The following TNRC6A variants were observed in gnomAD, a reference collection of about 807,000 sequenced individuals.
TNRC6A encodes the protein trinucleotide repeat containing adaptor 6A.
In TNRC6A, 44 loss-of-function variants were observed where a neutral mutation model predicts 221.2. The observed-to-expected ratio is 0.20, with a 90% CI of 0.16 to 0.26. The LOEUF is 0.26. Ranked by LOEUF, TNRC6A falls within the 10% of genes least tolerant of loss-of-function variation. The pLI is 1.00. For synonymous variants in TNRC6A, 847 were observed against 838.5 expected, an observed-to-expected ratio of 1.01 and a Z score of -0.18; for missense variants, 2,199 against 2,404.4, an observed-to-expected ratio of 0.91 and a Z score of 1.79.
intron 2 of TNRC6A, among the ~76,000 whole-genome samples, chr16:24,748,583 T>C (rs1441143387): frequency 6.6e-6 from 1 of 152,170 alleles, no homozygotes. Flanking sequence ...TTTAGCTGAT[T>C]TTAGTAGTCC....
At chr16:24,643,080 T>TAAAG (rs1491553600) in intron 2 of TNRC6A, among the ~76,000 whole-genome samples, 1 of 134,454 alleles carries the variant, frequency 7.4e-6, no homozygotes, top group East Asian at 2.1e-4. Context: ...ATATATATAT[T>TAAAG]ATATATATAT....
rs551061415 is a variant in TNRC6A at position 24,819,307 on chromosome 16, C to T, written c.5080+607C>T. ...CAGGAATTGTTCCACTCCTTGCTGT[C>T]CCCTCATGCTTTTAGCATGATAGTT... On this transcript the variant is annotated intron_variant, in intron 21 of 24. Transcript: ENST00000395799. Among the ~76,000 whole-genome samples, 3 of 152,254 alleles carry T rather than the reference C, an allele frequency of 2.0e-5. No individual in the cohort carries two copies. The East Asian group carries it at 5.8e-4, about 29-fold the overall frequency.
At chr16:24,728,374 G>T (rs2056528395), upstream of TNRC6A, among the ~76,000 whole-genome samples, 1 of 152,142 alleles carries the variant, frequency 6.6e-6, no homozygotes, top group Admixed American at 6.5e-5. Context: ...TTGAACTCGG[G>T]AGGCGGAGGT....
chr16:24,778,733 A>G (rs1263155161), intron 5 of TNRC6A, among the ~76,000 whole-genome samples: 1 of 152,118 alleles, frequency 6.6e-6, no homozygotes, highest in African/African-American at 2.4e-5. Context: ...TCTTCCTAAT[A>G]ACTCTTATAG....
chr16:24,725,613 T>C (rs1325236533), upstream of TNRC6A, among the ~76,000 whole-genome samples: 1 of 152,128 alleles, frequency 6.6e-6, no homozygotes, highest in East Asian at 1.9e-4. Flanking sequence ...ATAATCAATG[T>C]TGTGTTCCTT....
In TNRC6A at chr16:24,729,726, C is replaced by A. The variant is rs1202557587; in HGVS notation, c.-116C>A. The A allele has an allele frequency of 6.7e-5, 74 of 1,104,578 alleles. 1 individual carries two copies. Among genetic ancestry groups the A allele is most frequent in the Non-Finnish European group, 8.0e-5 (69 of 859,848 alleles). 68.4% of individuals were successfully genotyped at this position (1,104,578 alleles called of 1,614,324 possible). A position where few individuals can be genotyped will look rare whatever the true frequency, so the allele number is the denominator to read the frequency against. On this transcript the variant is annotated 5_prime_UTR_variant, in exon 1 of 25. Transcript: ENST00000395799. The stretch of plus-strand genomic sequence containing the variant: ...GGCGGCGGCGGCGGCGGCAGCGGGT[C>A]GGTGTAGAAAATGGCGCTGGTGCAG...
intron 2 of TNRC6A, among the ~76,000 whole-genome samples, chr16:24,706,429 T>G (rs1007338060): frequency 1.1e-4 from 17 of 152,106 alleles, no homozygotes; most frequent in Admixed American, 1.0e-3. Context: ...GTTTAGTACT[T>G]GGCCGGGCGC....
intron 2 of TNRC6A, among the ~76,000 whole-genome samples, chr16:24,730,593 C>T (rs2056610264): frequency 6.6e-6 from 1 of 151,852 alleles, no homozygotes; most frequent in African/African-American, 2.4e-5. Flanking sequence ...GCATTAATTA[C>T]TATTGTAAAT....
intron 2 of TNRC6A, among the ~76,000 whole-genome samples, chr16:24,713,221 C>T (rs1238095521): frequency 2.0e-5 from 3 of 152,066 alleles, no homozygotes; most frequent in East Asian, 1.9e-4. Context: ...AGTTCGAGAC[C>T]AGCCTGGGTA....
At chr16:24,678,279 C>T (rs1327309493) in intron 2 of TNRC6A, among the ~76,000 whole-genome samples, 1 of 150,588 alleles carries the variant, frequency 6.6e-6, no homozygotes, top group Non-Finnish European at 1.5e-5. Flanking sequence ...CCACTACACT[C>T]CAGCCTAGGC....
At position 24,824,519 on chromosome 16, in the gene TNRC6A, A is replaced by G. The variant is rs772615375; in HGVS notation, c.*712A>G. ...GCCCTGCACTTTGAATAGGCTTTCC[A>G]TTTTGTTTTGGAGGTTCTCACTTTG... is the stretch of plus-strand genomic sequence containing the variant. On this transcript the variant is annotated 3_prime_UTR_variant, in exon 25 of 25. Transcript: ENST00000395799. 2 of 152,258 alleles carry G rather than the reference A, an allele frequency of 1.3e-5. No homozygotes were observed. Among genetic ancestry groups the G allele is most frequent in the Admixed American group, 6.6e-5 (1 of 15,232 alleles). The allele number at this position is 152,258 out of a possible 1,614,324, so 9.4% of individuals were successfully genotyped here. A position where few individuals can be genotyped will look rare whatever the true frequency, so the allele number is the denominator to read the frequency against.
At chr16:24,666,504 G>T (rs1023899058) in intron 2 of TNRC6A, among the ~76,000 whole-genome samples, 2 of 147,342 alleles carry the variant, frequency 1.4e-5, no homozygotes, top group Admixed American at 6.8e-5. Context: ...GATGGGCATT[G>T]TGACACATGC....
chr16:24,654,018 C>T (rs942720696), intron 2 of TNRC6A, among the ~76,000 whole-genome samples: 12 of 152,172 alleles, frequency 7.9e-5, no homozygotes, highest in African/African-American at 2.9e-4. Context: ...GATCCTTTCA[C>T]CTCAGCCTCC....
Position 24,723,999 on chromosome 16 carries a change from A to C in TNRC6A, n.403-26727A>C, listed in dbSNP as rs546615139. ...GTAGACCTCTTCCAAACATTTACAT[A>C]ATGAAAGACATTTTATTTTATTATG... On this transcript the variant is annotated intron_variant and non_coding_transcript_variant, in intron 2 of 2. Coordinates refer to the TNRC6A transcript ENST00000566108. Among the ~76,000 whole-genome samples, 22 of 152,278 alleles carry C rather than the reference A, an allele frequency of 1.4e-4. No individual in the cohort carries two copies. The South Asian group carries it at 4.6e-3, about 32-fold the overall frequency.
chr16:24,682,315 C>T (rs1368992810), intron 2 of TNRC6A, among the ~76,000 whole-genome samples: 2 of 151,586 alleles, frequency 1.3e-5, no homozygotes, highest in East Asian at 1.9e-4. Flanking sequence ...CAGCCTCAAC[C>T]TCTCAAGGTC....
intron 2 of TNRC6A, among the ~76,000 whole-genome samples, chr16:24,649,394 G>A (rs1008863728): frequency 6.6e-5 from 10 of 151,908 alleles, no homozygotes; most frequent in South Asian, 2.1e-4. Context: ...CTGAAACCTC[G>A]AACTCCTGGG....
intron 2 of TNRC6A, among the ~76,000 whole-genome samples, chr16:24,707,047 G>T (rs2056109972): frequency 6.6e-6 from 1 of 151,452 alleles, no homozygotes; most frequent in Admixed American, 6.6e-5. Flanking sequence ...CCAGGCTGGA[G>T]TGCAGTAGCA....
At chr16:24,622,731 T>C (rs1280745154) in intron 1 of TNRC6A, among the ~76,000 whole-genome samples, 1 of 152,132 alleles carries the variant, frequency 6.6e-6, no homozygotes, top group African/African-American at 2.4e-5. Flanking sequence ...AAAGCAAAAC[T>C]AGCCAGAAGC....
intron 2 of TNRC6A, among the ~76,000 whole-genome samples, chr16:24,688,988 C>T (rs2055696676): frequency 6.6e-6 from 1 of 152,114 alleles, no homozygotes. Flanking sequence ...ATCTCTTGAG[C>T]CCAGGAGTTC....
Sources: allele counts gnomAD v4.1 joint callset (sites outside exome capture counted in the v4.1 genomes callset), GRCh38; gene constraint gnomAD v4.1.1; transcripts MANE v1.5; gene names NCBI Gene and HGNC (gene_info 2026-07-23, HGNC 2026-07-21).